Variants in DIAPH3 observed in about 807,000 individuals in gnomAD.
DIAPH3 encodes diaphanous related formin 3, also known as protein diaphanous homolog 3.
Under a neutral mutation model 144.3 loss-of-function variants are expected in DIAPH3, and 117 were observed. The ratio of observed to expected loss-of-function variants is 0.81; its 90% CI spans 0.70 to 0.95. The LOEUF (loss-of-function observed/expected upper bound fraction) is 0.95, where lower values mean the gene tolerates loss of function less well. Among genes scored for constraint, DIAPH3 ranks in the 40% least tolerant of loss-of-function variants. DIAPH3 has a pLI of 0.00. For missense variants in DIAPH3, 1,421 were observed against 1,412.7 expected (o/e 1.01, Z -0.09); for synonymous variants, 519 against 488.9 (o/e 1.06, Z -0.81).
chr13:60,121,189 G>C (rs73203951), intron 2 of DIAPH3, among the ~76,000 whole-genome samples: 3,164 of 151,252 alleles, frequency 0.021, 57 homozygotes, highest in Non-Finnish European at 0.031. Flanking sequence ...TGGTGATAAA[G>C]TCGCAGGCCA....
At chr13:59,692,134 ATTCTTT>A (rs1412443047) in intron 27 of DIAPH3, among the ~76,000 whole-genome samples, 1 of 131,512 alleles carries the variant, frequency 7.6e-6, no homozygotes, top group African/African-American at 3.0e-5. Flanking sequence ...GCTTTGAGAA[ATTCTTT>A]TTTTTTTTTT....
chr13:60,058,276 C>CA (rs371992917), intron 4 of DIAPH3, among the ~76,000 whole-genome samples: 3 of 149,448 alleles, frequency 2.0e-5, no homozygotes, highest in Non-Finnish European at 4.5e-5. Context: ...TATAAATGGA[C>CA]AAAAAAAATG....
chr13:60,077,066 C>A (rs971425227), intron 4 of DIAPH3, among the ~76,000 whole-genome samples: 1 of 151,856 alleles, frequency 6.6e-6, no homozygotes, highest in African/African-American at 2.4e-5. Flanking sequence ...TAAGTTGTAT[C>A]TTTGATTTTA....
chr13:59,965,921 A>T (rs575621000), intron 17 of DIAPH3, among the ~76,000 whole-genome samples: 1 of 152,298 alleles, frequency 6.6e-6, no homozygotes, highest in South Asian at 2.1e-4. Context: ...AATAAGAAAA[A>T]GTGGAAGGTA....
chr13:59,869,584 G>A (rs955931148), intron 21 of DIAPH3, among the ~76,000 whole-genome samples: 1 of 152,130 alleles, frequency 6.6e-6, no homozygotes, highest in African/African-American at 2.4e-5. Flanking sequence ...TTTTGTTGTT[G>A]ACGATTAAGG....
intron 27 of DIAPH3, among the ~76,000 whole-genome samples, chr13:59,687,300 C>T (rs2033270066): frequency 6.6e-6 from 1 of 152,046 alleles, no homozygotes; most frequent in Admixed American, 6.6e-5. Flanking sequence ...CAGCAATTTA[C>T]AATGAAATTC....
chr13:60,062,567 C>A (rs1199584001), intron 4 of DIAPH3, among the ~76,000 whole-genome samples: 1 of 152,092 alleles, frequency 6.6e-6, no homozygotes. Context: ...ATAAGGATAT[C>A]TGTGCCAGTA....
In DIAPH3 at chr13:59,699,066, G is replaced by A. The variant is rs564850580; in HGVS notation, c.3320-32220C>T. Among the ~76,000 whole-genome samples the A allele has an allele frequency of 2.0e-5, 3 of 152,290 alleles. No individual in the cohort carries two copies. The East Asian group carries it at 5.8e-4, about 29-fold the overall frequency. On this transcript the variant is annotated intron_variant, in intron 27 of 27. Transcript: ENST00000400324. Reference sequence around the variant, plus strand: ...GAATAGTAGACAACAAAGTTGAAAAGGTCCCTGGCTCTCATGGAGCTTATA... The same window carrying A: ...GAATAGTAGACAACAAAGTTGAAAAAGTCCCTGGCTCTCATGGAGCTTATA...
intron 9 of DIAPH3, among the ~76,000 whole-genome samples, chr13:59,993,348 T>G (rs1032748385): frequency 6.6e-6 from 1 of 151,878 alleles, no homozygotes; most frequent in Non-Finnish European, 1.5e-5. Flanking sequence ...AAGACAGTCT[T>G]TCTAGAGAAG....
intron 17 of DIAPH3, among the ~76,000 whole-genome samples, chr13:59,950,141 AATTT>A (rs1471581415): frequency 6.3e-5 from 2 of 31,572 alleles, no homozygotes; most frequent in East Asian, 2.4e-4. Flanking sequence ...ATAATATTTT[AATTT>A]ATTTATAAAC....
At chr13:59,795,579 G>A (rs946615943) in intron 25 of DIAPH3, among the ~76,000 whole-genome samples, 9 of 151,278 alleles carry the variant, frequency 5.9e-5, no homozygotes, top group Non-Finnish European at 1.5e-5. Context: ...TCAGCCTCCT[G>A]AGTAGCTGGG....
chr13:60,041,823 C>T (rs1337147062), intron 5 of DIAPH3, among the ~76,000 whole-genome samples: 1 of 152,054 alleles, frequency 6.6e-6, no homozygotes, highest in Non-Finnish European at 1.5e-5. Flanking sequence ...TTAGGTATTT[C>T]ATAACAACTT....
intron 5 of DIAPH3, among the ~76,000 whole-genome samples, chr13:60,036,712 A>G (rs925795238): frequency 2.0e-5 from 3 of 152,172 alleles, no homozygotes; most frequent in African/African-American, 7.2e-5. Flanking sequence ...TTTTTAACCT[A>G]AGGTGAATTT....
At chr13:60,137,729 C>A (rs2059322735) in intron 1 of DIAPH3, among the ~76,000 whole-genome samples, 2 of 149,790 alleles carry the variant, frequency 1.3e-5, no homozygotes, top group Admixed American at 6.8e-5. Flanking sequence ...CAGTTTAATT[C>A]CATTAAAATT....
intron 21 of DIAPH3, among the ~76,000 whole-genome samples, chr13:59,868,374 T>G (rs962654423): frequency 5.9e-5 from 9 of 152,068 alleles, no homozygotes; most frequent in African/African-American, 2.2e-4. Context: ...ATTTTAAAGG[T>G]TTTTTAACCC....
chr13:60,163,465 T>C, intron 1 of DIAPH3, 122 bp downstream of exon 1: 1 of 1,364,352 alleles, frequency 7.3e-7, no homozygotes, highest in Non-Finnish European at 1.0e-6. Flanking sequence ...CAATCTATGA[T>C]CTTTGGCACC....
At chr13:60,088,516 C>G (rs1282248467) in intron 4 of DIAPH3, among the ~76,000 whole-genome samples, 2 of 152,112 alleles carry the variant, frequency 1.3e-5, no homozygotes, top group East Asian at 3.9e-4. Flanking sequence ...CTCAGGACTT[C>G]CCTAGTTTCA....
At chr13:59,681,706 A>G (rs2032960840) in intron 27 of DIAPH3, among the ~76,000 whole-genome samples, 1 of 152,114 alleles carries the variant, frequency 6.6e-6, no homozygotes, top group Non-Finnish European at 1.5e-5. Flanking sequence ...AAAGTGCTTT[A>G]CAAAAATCAT....
At chr13:60,063,103 A>G (rs938184604) in intron 4 of DIAPH3, among the ~76,000 whole-genome samples, 1 of 152,232 alleles carries the variant, frequency 6.6e-6, no homozygotes, top group African/African-American at 2.4e-5. Flanking sequence ...GGAGTCAATC[A>G]TCACAAATGC....
Sources: allele counts gnomAD v4.1 joint callset (sites outside exome capture counted in the v4.1 genomes callset), GRCh38; gene constraint gnomAD v4.1.1; transcripts MANE v1.5; gene names NCBI Gene and HGNC (gene_info 2026-07-23, HGNC 2026-07-21).